SEMA6A: variants seen among roughly 807,000 people sequenced by gnomAD.
The protein encoded by SEMA6A is semaphorin-6A.
SEMA6A carries 25 observed loss-of-function variants against 96.8 expected under a neutral mutation model. The observed-to-expected ratio is 0.26, with a 90% CI of 0.19 to 0.36. SEMA6A has a LOEUF of 0.36. Ranked by LOEUF, SEMA6A falls within the 10% of genes least tolerant of loss-of-function variation. The pLI is 1.00. For missense variants in SEMA6A, 1,363 were observed against 1,323.1 expected (o/e 1.03, Z -0.47); for synonymous variants, 612 against 518.0 (o/e 1.18, Z -2.46).
At chr5:116,466,019 A>G (rs925766882) in intron 18 of SEMA6A, among the ~76,000 whole-genome samples, 6 of 149,610 alleles carry the variant, frequency 4.0e-5, no homozygotes, top group African/African-American at 1.5e-4. Context: ...AGAGCAGGGA[A>G]TCCCTCAAAC....
intron 11 of SEMA6A, among the ~76,000 whole-genome samples, chr5:116,481,861 G>T (rs1379680135): frequency 6.6e-6 from 1 of 152,136 alleles, no homozygotes; most frequent in African/African-American, 2.4e-5. Flanking sequence ...TCTAAGCCAT[G>T]ATTTGGGGAG....
chr5:116,462,465 C>G (rs1755471914), intron 18 of SEMA6A, among the ~76,000 whole-genome samples: 1 of 152,126 alleles, frequency 6.6e-6, no homozygotes, highest in African/African-American at 2.4e-5. Flanking sequence ...AGCGGCAGAC[C>G]ACACTAGGGT....
At chr5:116,572,826 C>T (rs1044663528) in intron 1 of SEMA6A, among the ~76,000 whole-genome samples, 2 of 152,230 alleles carry the variant, frequency 1.3e-5, no homozygotes, top group African/African-American at 4.8e-5. Flanking sequence ...TCAGACTGCA[C>T]ATGCTGAGCC....
At chr5:116,557,733 A>G (rs892190592) in intron 1 of SEMA6A, among the ~76,000 whole-genome samples, 1 of 152,160 alleles carries the variant, frequency 6.6e-6, no homozygotes, top group African/African-American at 2.4e-5. Flanking sequence ...TGCACATTTT[A>G]ATTTATTCAA....
intron 1 of SEMA6A, among the ~76,000 whole-genome samples, chr5:116,532,667 C>G (rs1181446114): frequency 6.6e-6 from 1 of 152,152 alleles, no homozygotes; most frequent in Non-Finnish European, 1.5e-5. Flanking sequence ...CATTTTCTAA[C>G]CATCTTGTAA....
intron 1 of SEMA6A, among the ~76,000 whole-genome samples, chr5:116,528,879 G>A (rs114569008): frequency 0.015 from 2,353 of 152,210 alleles, 26 homozygotes; most frequent in Admixed American, 0.027. Flanking sequence ...CTTTAATTTC[G>A]CCGTCCCCTT....
At chr5:116,514,099 G>C (rs548167634) in intron 1 of SEMA6A, among the ~76,000 whole-genome samples, 1 of 152,026 alleles carries the variant, frequency 6.6e-6, no homozygotes, top group Non-Finnish European at 1.5e-5. Context: ...GAACATATAC[G>C]TGCATGTGTC....
chr5:116,561,951 A>G (rs2112906414), intron 1 of SEMA6A, among the ~76,000 whole-genome samples: 1 of 149,232 alleles, frequency 6.7e-6, no homozygotes, highest in African/African-American at 2.5e-5. Context: ...TGTACTCTGA[A>G]CATCCCTTTA....
At chr5:116,571,343 T>A (rs1056184068) in intron 1 of SEMA6A, among the ~76,000 whole-genome samples, 3 of 152,250 alleles carry the variant, frequency 2.0e-5, no homozygotes, top group Non-Finnish European at 4.4e-5. Context: ...GTGGATTATA[T>A]GCGTTATTGA....
At chr5:116,450,952 A>T (rs184053451) in intron 18 of SEMA6A, among the ~76,000 whole-genome samples, 1 of 152,342 alleles carries the variant, frequency 6.6e-6, no homozygotes, top group East Asian at 1.9e-4. Context: ...AAGCATTCAC[A>T]GAAATGATCA....
rs1754204659 is a variant in SEMA6A, at chr5:116,446,340, T to G, written c.*273A>C. ...TTTGGCTCATGTTTGTGATGATAAC[T>G]GAAGTCTTTTGTGGGTCCGACCTGT... On this transcript the variant is annotated 3_prime_UTR_variant, in exon 19 of 19. Transcript: ENST00000343348. 5.8e-6 allele frequency: 2 copies of G among 345,292 alleles called. No individual in the cohort carries two copies. The highest frequency in any genetic ancestry group is 1.1e-5 in the Non-Finnish European group (2 of 190,272). The allele number at this position is 345,292 out of a possible 1,614,324, so 21.4% of individuals were successfully genotyped here.
chr5:116,559,908 G>T (rs1390021817), intron 1 of SEMA6A, among the ~76,000 whole-genome samples: 1 of 152,168 alleles, frequency 6.6e-6, no homozygotes, highest in Admixed American at 6.5e-5. Flanking sequence ...CACGGATCTG[G>T]TGACATCATC....
At chr5:116,466,352 G>A (rs900349414) in intron 18 of SEMA6A, among the ~76,000 whole-genome samples, 10 of 146,862 alleles carry the variant, frequency 6.8e-5, no homozygotes, top group South Asian at 2.2e-4. Context: ...GCACTCCAGC[G>A]TAGGCAACAG....
At chr5:116,558,046 C>G (rs1028122865) in intron 1 of SEMA6A, among the ~76,000 whole-genome samples, 1 of 152,124 alleles carries the variant, frequency 6.6e-6, no homozygotes, top group Non-Finnish European at 1.5e-5. Context: ...TTCTAATATG[C>G]CTTTAAAATA....
chr5:116,524,781 C>CACACACGG (rs1261769000), intron 1 of SEMA6A, among the ~76,000 whole-genome samples: 6 of 149,384 alleles, frequency 4.0e-5, no homozygotes, highest in African/African-American at 1.5e-4. Flanking sequence ...TACACACACA[C>CACACACGG]ACACACAGAC....
At chr5:116,552,767 A>G (rs1387794345) in intron 1 of SEMA6A, among the ~76,000 whole-genome samples, 1 of 152,218 alleles carries the variant, frequency 6.6e-6, no homozygotes, top group African/African-American at 2.4e-5. Flanking sequence ...TACAAATCCA[A>G]TAGAAAATAA....
intron 1 of SEMA6A, 22 bp downstream of exon 1, chr5:116,574,163 C>G (rs1416098631): frequency 6.7e-6 from 1 of 150,344 alleles, no homozygotes; most frequent in African/African-American, 2.5e-5. Flanking sequence ...AGGTGGGGCG[C>G]GCCCGGGCGC....
intron 1 of SEMA6A, among the ~76,000 whole-genome samples, chr5:116,510,504 T>C (rs955780764): frequency 6.6e-6 from 1 of 152,178 alleles, no homozygotes; most frequent in Non-Finnish European, 1.5e-5. Flanking sequence ...TGAGCCTCAG[T>C]TTCCCCTTCT....
At chr5:116,502,354 A>C (rs1298432739) in intron 2 of SEMA6A, 27 bp from the exon 3 acceptor site, 1 of 1,600,508 alleles carries the variant, frequency 6.2e-7, no homozygotes, top group South Asian at 1.1e-5. Flanking sequence ...TGGGGCAAGA[A>C]AGGAAAAGCA....
Sources: gnomAD v4.1 joint callset for allele counts (sites outside exome capture counted in the v4.1 genomes callset) on GRCh38, gnomAD v4.1.1 for gene constraint, MANE v1.5 for transcripts, NCBI Gene and HGNC (gene_info 2026-07-23, HGNC 2026-07-21) for gene names.